Variants in SCFD2 observed in about 807,000 individuals in gnomAD.
SCFD2 encodes the protein sec1 family domain containing 2.
SCFD2 carries 54 observed loss-of-function variants against 58.9 expected under a neutral mutation model. The observed-to-expected ratio is 0.92, with a 90% CI of 0.74 to 1.15. The LOEUF (loss-of-function observed/expected upper bound fraction) is 1.15. SCFD2 is among the 50% of genes most tolerant of loss of function. The probability of loss-of-function intolerance (pLI) is 0.00; values close to 1 mark genes in which losing one functional copy is unlikely to be tolerated. For synonymous variants in SCFD2, 321 were observed against 335.9 expected, an observed-to-expected ratio of 0.96 and a Z score of 0.49; for missense variants, 805 against 836.6, an observed-to-expected ratio of 0.96 and a Z score of 0.47.
chr4:53,154,318 G>A (rs1027745557), intron 4 of SCFD2, among the ~76,000 whole-genome samples: 1 of 152,192 alleles, frequency 6.6e-6, no homozygotes, highest in African/African-American at 2.4e-5. Flanking sequence ...TTACAATCAT[G>A]GTAGAAGGCA....
At chr4:53,272,985 T>C (rs1473655501) in intron 4 of SCFD2, among the ~76,000 whole-genome samples, 1 of 151,978 alleles carries the variant, frequency 6.6e-6, no homozygotes, top group African/African-American at 2.4e-5. Context: ...AAACATCTAA[T>C]AAAAATATAA....
At chr4:53,102,641 A>G (rs191286279) in intron 5 of SCFD2, among the ~76,000 whole-genome samples, 1 of 152,246 alleles carries the variant, frequency 6.6e-6, no homozygotes, top group African/African-American at 2.4e-5. Flanking sequence ...TCAATTTTAC[A>G]TAAAAGGAAA....
At chr4:53,036,257 T>A (rs1304593439) in intron 5 of SCFD2, among the ~76,000 whole-genome samples, 1 of 151,610 alleles carries the variant, frequency 6.6e-6, no homozygotes, top group African/African-American at 2.4e-5. Context: ...CCCCGCCCTG[T>A]GTCCATGTGT....
chr4:53,242,663 T>A (rs898543914), intron 4 of SCFD2, among the ~76,000 whole-genome samples: 4 of 152,138 alleles, frequency 2.6e-5, no homozygotes, highest in African/African-American at 9.7e-5. Context: ...TAATTCAGAA[T>A]ATGAATAGAT....
intron 3 of SCFD2, among the ~76,000 whole-genome samples, chr4:53,289,094 G>C (rs1296347863): frequency 1.3e-5 from 2 of 152,192 alleles, no homozygotes; most frequent in Non-Finnish European, 1.5e-5. Context: ...ACTGGGCATG[G>C]TGGCTCATGC....
At chr4:53,243,097 G>A (rs907546218) in intron 4 of SCFD2, among the ~76,000 whole-genome samples, 1 of 152,120 alleles carries the variant, frequency 6.6e-6, no homozygotes, top group African/African-American at 2.4e-5. Flanking sequence ...CCTTGCTAGA[G>A]AGGCCAACAT....
intron 4 of SCFD2, among the ~76,000 whole-genome samples, chr4:53,266,433 C>T (rs144445138): frequency 2.6e-5 from 4 of 152,146 alleles, no homozygotes; most frequent in African/African-American, 9.6e-5. Context: ...TGTATTAATA[C>T]ATGACACATA....
chr4:53,159,087 T>C (rs1263990024), intron 4 of SCFD2, among the ~76,000 whole-genome samples: 2 of 152,208 alleles, frequency 1.3e-5, no homozygotes, highest in East Asian at 3.9e-4. Flanking sequence ...CCACATTTTA[T>C]TCCTAATCCC....
intron 5 of SCFD2, chr4:52,956,526 A>C: frequency 3.5e-6 from 1 of 287,882 alleles, no homozygotes; most frequent in Non-Finnish European, 6.8e-6. Flanking sequence ...TCTTCTCTCT[A>C]AGGCTCAGTT....
chr4:53,052,900 G>C (rs1016769955), intron 5 of SCFD2, among the ~76,000 whole-genome samples: 7 of 152,088 alleles, frequency 4.6e-5, no homozygotes, highest in African/African-American at 1.4e-4. Context: ...AGCACACGCT[G>C]TATGATTCCA....
chr4:53,346,956 T>C (rs150208247), intron 2 of SCFD2, among the ~76,000 whole-genome samples: 1 of 152,304 alleles, frequency 6.6e-6, no homozygotes, highest in Non-Finnish European at 1.5e-5. Context: ...GATTGAAAAT[T>C]CAAAATACTC....
At position 53,365,338 on chromosome 4, in the gene SCFD2, C is replaced by A; in HGVS notation, c.604G>T (p.Asp202Tyr). The change falls in exon 1 of 9, where the codon GAT becomes TAT. Residue 202 changes from aspartate (D) to tyrosine (Y), a missense_variant. This residue lies in a region of SCFD2 where 633 missense variants were observed against 646.8 expected (regional missense o/e 0.98). Transcript: ENST00000401642. This position sits in a 1 kb window ranked among gnomAD's most constrained non-coding sequence, Gnocchi z 4.3. ...GGGGTTAGCGTAGTGGAGTCCACAT[C>A]ACCCAGGCTTCCCAGCTTCCTCTTG... The part of the protein sequence containing the change: ...PDKRKLGSLG[D>Y]VDSTTLTPEL... 6.2e-7 allele frequency: 1 copy of A among 1,614,214 alleles called. No individual in the cohort carries two copies. Among genetic ancestry groups the A allele is most frequent in the South Asian group, 1.1e-5 (1 of 91,086 alleles).
chr4:53,178,605 A>G (rs1031966041), intron 4 of SCFD2, among the ~76,000 whole-genome samples: 12 of 152,212 alleles, frequency 7.9e-5, no homozygotes, highest in African/African-American at 2.9e-4. Context: ...TCCTCCTCCA[A>G]AGGAATGCAG....
chr4:52,941,358 C>T (rs758272680), intron 5 of SCFD2, among the ~76,000 whole-genome samples: 15 of 152,128 alleles, frequency 9.9e-5, no homozygotes, highest in Non-Finnish European at 1.8e-4. Flanking sequence ...TAAACAAAGC[C>T]GTGCATGGCA....
intron 4 of SCFD2, among the ~76,000 whole-genome samples, chr4:53,212,574 ACGTG>A (rs1728652496): frequency 1.3e-5 from 1 of 75,786 alleles, no homozygotes; most frequent in African/African-American, 5.6e-5. Flanking sequence ...GAAAGTGAGC[ACGTG>A]TGTGTGTGTG....
chr4:52,939,009 GC>G (rs1005989552), intron 5 of SCFD2, among the ~76,000 whole-genome samples: 4 of 152,092 alleles, frequency 2.6e-5, no homozygotes, highest in African/African-American at 4.8e-5. Context: ...CCTTTTACCT[GC>G]CTCAGTGATC....
chr4:53,117,305 C>G (rs560909556), intron 5 of SCFD2, among the ~76,000 whole-genome samples: 2 of 152,222 alleles, frequency 1.3e-5, no homozygotes, highest in Non-Finnish European at 2.9e-5. Context: ...CAAGACTTAG[C>G]CAAGAATATC....
At chr4:53,180,918 TTCC>T (rs1244949229) in intron 4 of SCFD2, among the ~76,000 whole-genome samples, 2 of 152,278 alleles carry the variant, frequency 1.3e-5, no homozygotes, top group Admixed American at 6.5e-5. Flanking sequence ...AATGGATAAA[TTCC>T]TCGACAAATA....
At chr4:53,324,210 A>T (rs1733109264) in intron 2 of SCFD2, among the ~76,000 whole-genome samples, 1 of 152,068 alleles carries the variant, frequency 6.6e-6, no homozygotes, top group South Asian at 2.1e-4. Flanking sequence ...TGAGGCCAGA[A>T]GTTCAAGACC....
Sources: gnomAD v4.1 joint callset for allele counts (sites outside exome capture counted in the v4.1 genomes callset) on GRCh38, gnomAD v4.1.1 for gene constraint, gnomAD v4.1.1 regional missense constraint, Gnocchi (gnomAD v3.1) non-coding constraint, MANE v1.5 for transcripts, NCBI Gene and HGNC (gene_info 2026-07-23, HGNC 2026-07-21) for gene names.